STK33: variants seen among roughly 807,000 people sequenced by gnomAD.
STK33 encodes the protein serine/threonine-protein kinase 33.
STK33 carries 52 observed loss-of-function variants against 58.0 expected under a neutral mutation model. The observed-to-expected ratio is 0.90, with a 90% CI of 0.72 to 1.13. STK33 has a LOEUF of 1.13. Among genes scored for constraint, STK33 ranks in the 50% most tolerant of loss-of-function variants. The probability of loss-of-function intolerance (pLI) is 0.00; values close to 1 mark genes in which losing one functional copy is unlikely to be tolerated. For synonymous variants in STK33, 215 were observed against 200.1 expected (o/e 1.07, Z -0.63); for missense variants, 630 against 604.2 (o/e 1.04, Z -0.45).
At chr11:8,403,482 C>T (rs1590782792) in intron 15 of STK33, among the ~76,000 whole-genome samples, 1 of 152,260 alleles carries the variant, frequency 6.6e-6, no homozygotes, top group East Asian at 1.9e-4. Flanking sequence ...AAGAAGGAGG[C>T]ATATTTCAGC....
intron 1 of STK33, among the ~76,000 whole-genome samples, chr11:8,520,825 C>T (rs1953350583): frequency 1.3e-5 from 2 of 152,052 alleles, no homozygotes; most frequent in Admixed American, 1.3e-4. Flanking sequence ...CTACAAACCA[C>T]TGCTCAATGA....
the STK33 span, among the ~76,000 whole-genome samples, chr11:8,377,313 C>T: frequency 5.9e-5 from 9 of 152,114 alleles, no homozygotes; most frequent in Non-Finnish European, 1.3e-4. Flanking sequence ...TAAAAACTGG[C>T]CAATTAAAAC....
chr11:8,471,780 T>A lies in STK33; in HGVS notation c.339+1383A>T, dbSNP rs1454381284. Among the ~76,000 whole-genome samples the A allele has an allele frequency of 2.0e-5, 3 of 152,112 alleles. No individual in the cohort carries two copies. The East Asian group carries it at 5.8e-4, about 29-fold the overall frequency. ...AGAAAAATAAAATAAAACTAGTACATGCATAGAAAAAGTGAAGTTAATAAT... is the reference window on the plus strand; with the variant it reads ...AGAAAAATAAAATAAAACTAGTACAAGCATAGAAAAAGTGAAGTTAATAAT... On this transcript the variant is annotated intron_variant, in intron 6 of 15. Transcript: ENST00000687296.
At chr11:8,389,040 G>C (rs760238966), downstream of STK33, among the ~76,000 whole-genome samples, 1 of 152,354 alleles carries the variant, frequency 6.6e-6, no homozygotes, top group South Asian at 2.1e-4. Flanking sequence ...GATAAGGAAA[G>C]GGTCTCCACC....
intron 6 of STK33, 51 bp downstream of exon 6, chr11:8,473,112 A>G (rs1948936618): frequency 8.6e-7 from 1 of 1,157,512 alleles, no homozygotes; most frequent in South Asian, 1.4e-5. Context: ...TTAACCATTG[A>G]CTTAGAAGAA....
chr11:8,540,919 GTGAGA>G, intron 1 of STK33, among the ~76,000 whole-genome samples: 1 of 151,706 alleles, frequency 6.6e-6, no homozygotes, highest in Middle Eastern at 3.4e-3. Context: ...AAGTAATTAT[GTGAGA>G]TGAGATATGT....
intron 15 of STK33, among the ~76,000 whole-genome samples, chr11:8,406,286 A>T (rs905744421): frequency 6.6e-6 from 1 of 152,158 alleles, no homozygotes; most frequent in African/African-American, 2.4e-5. Context: ...TATGTAGTAA[A>T]TGTTGACATC....
At chr11:8,380,846 A>C in the STK33 span, among the ~76,000 whole-genome samples, 7 of 152,316 alleles carry the variant, frequency 4.6e-5, no homozygotes, top group African/African-American at 1.7e-4. Context: ...AGTGCCCATC[A>C]ACCAATGAGT....
chr11:8,406,533 T>C (rs1455198249), intron 15 of STK33, among the ~76,000 whole-genome samples: 2 of 152,226 alleles, frequency 1.3e-5, no homozygotes, highest in African/African-American at 4.8e-5. Flanking sequence ...TATTTCAGTC[T>C]TTTTCAATTT....
At chr11:8,471,895 T>C (rs1302202335) in intron 6 of STK33, among the ~76,000 whole-genome samples, 2 of 152,174 alleles carry the variant, frequency 1.3e-5, no homozygotes, top group African/African-American at 4.8e-5. Flanking sequence ...TTTGCTTTTA[T>C]AAAAGCTCTT....
chr11:8,444,855 T>G (rs1382399137), intron 11 of STK33, among the ~76,000 whole-genome samples: 1 of 152,114 alleles, frequency 6.6e-6, no homozygotes, highest in Admixed American at 6.5e-5. Flanking sequence ...TATTAGATAA[T>G]TTTTATTATC....
the STK33 span, among the ~76,000 whole-genome samples, chr11:8,369,295 C>CTGTGTGTGTGTGTGTGTGTG: frequency 6.1e-4 from 84 of 137,746 alleles, 1 homozygote; most frequent in African/African-American, 1.3e-3. Context: ...GGTTTTTACT[C>CTGTGTGTGTGTGTGTGTGTG]TGTGTGTGTG....
At chr11:8,524,831 A>C (rs1172347215) in intron 1 of STK33, among the ~76,000 whole-genome samples, 2 of 151,748 alleles carry the variant, frequency 1.3e-5, no homozygotes, top group Non-Finnish European at 2.9e-5. Flanking sequence ...TCTTATGTTA[A>C]ATATTTGCAT....
In STK33 at chr11:8,480,514, G is replaced by A. The variant is rs1408890601; in HGVS notation, c.-365C>T. The stretch of plus-strand genomic sequence containing the variant: ...CAACATGAACTCCATCTGGAACAGA[G>A]CAGCATTATTGGAATTTACCCTGGA... On this transcript the variant is annotated 5_prime_UTR_variant, in exon 2 of 16. Coordinates refer to ENST00000687296, the MANE Select transcript of STK33 (RefSeq NM_001352389.2). The A allele has an allele frequency of 6.6e-6, 1 of 152,292 alleles. No homozygotes were observed. Among genetic ancestry groups the A allele is most frequent in the Non-Finnish European group, 1.5e-5 (1 of 68,148 alleles). 9.4% of individuals were successfully genotyped at this position (152,292 alleles called of 1,614,324 possible).
At chr11:8,396,711 A>G (rs755193554) in intron 15 of STK33, among the ~76,000 whole-genome samples, 2 of 152,202 alleles carry the variant, frequency 1.3e-5, no homozygotes, top group Non-Finnish European at 2.9e-5. Context: ...TCCCTTTCCT[A>G]GTCAAAGAAA....
chr11:8,395,678 G>C (rs1849209030), intron 15 of STK33, among the ~76,000 whole-genome samples: 1 of 152,092 alleles, frequency 6.6e-6, no homozygotes, highest in Admixed American at 6.6e-5. Context: ...ATATTCTCTT[G>C]TTTAGAAGTA....
chr11:8,446,429 T>A (rs977848920), intron 11 of STK33, among the ~76,000 whole-genome samples: 2 of 152,166 alleles, frequency 1.3e-5, no homozygotes, highest in Admixed American at 1.3e-4. Context: ...CTTTTGAATG[T>A]TTGCTCTTTT....
the STK33 span, among the ~76,000 whole-genome samples, chr11:8,367,302 C>T: frequency 6.6e-6 from 1 of 152,216 alleles, no homozygotes; most frequent in Non-Finnish European, 1.5e-5. Context: ...TGTATCCATG[C>T]AGATTGTGAG....
At chr11:8,373,287 T>C in the STK33 span, among the ~76,000 whole-genome samples, 1 of 152,166 alleles carries the variant, frequency 6.6e-6, no homozygotes, top group African/African-American at 2.4e-5. Context: ...CAGCCCAGAC[T>C]CAAGGGGTTG....
Sources: gnomAD v4.1 joint callset for allele counts (sites outside exome capture counted in the v4.1 genomes callset) on GRCh38, gnomAD v4.1.1 for gene constraint, MANE v1.5 for transcripts, NCBI Gene and HGNC (gene_info 2026-07-23, HGNC 2026-07-21) for gene names.